Variants in SNX6 observed in about 807,000 individuals in gnomAD.
SNX6 encodes sorting nexin 6.
In SNX6, 34 loss-of-function variants were observed where a neutral mutation model predicts 63.0. The observed-to-expected ratio is 0.54, with a 90% confidence interval of 0.41 to 0.72. The LOEUF (loss-of-function observed/expected upper bound fraction) is 0.72, where lower values mean the gene tolerates loss of function less well. Ranked by LOEUF, SNX6 falls within the 30% of genes least tolerant of loss-of-function variation. SNX6 has a pLI of 0.00. For missense variants in SNX6, 398 were observed against 471.4 expected, an observed-to-expected ratio of 0.84 and a Z score of 1.44; for synonymous variants, 170 against 164.2, an observed-to-expected ratio of 1.04 and a Z score of -0.27.
chr14:34,603,700 A>ATT (rs965944499), intron 5 of SNX6, among the ~76,000 whole-genome samples: 4 of 152,188 alleles, frequency 2.6e-5, no homozygotes, highest in Non-Finnish European at 5.9e-5. Flanking sequence ...AAATGTTAAT[A>ATT]TTTTTAAGTT....
At chr14:34,585,723 G>A (rs1882123506) in intron 9 of SNX6, among the ~76,000 whole-genome samples, 1 of 151,276 alleles carries the variant, frequency 6.6e-6, no homozygotes, top group Non-Finnish European at 1.5e-5. Context: ...AGCCTCCCGA[G>A]TAGCTAGCTG....
intron 2 of SNX6, among the ~76,000 whole-genome samples, chr14:34,628,153 G>A (rs1883900254): frequency 1.3e-5 from 2 of 151,886 alleles, no homozygotes; most frequent in African/African-American, 4.8e-5. Flanking sequence ...AACATGGTGA[G>A]ACCCTGTCTC....
At position 34,575,778 on chromosome 14, in the gene SNX6, A is replaced by G; in HGVS notation, c.899T>C (p.Leu300Ser). The G allele has an allele frequency of 6.3e-7, 1 of 1,590,110 alleles. No individual in the cohort carries two copies. Among genetic ancestry groups the G allele is most frequent in the Non-Finnish European group, 8.6e-7 (1 of 1,167,002 alleles). Reference protein sequence around the residue: ...LKLSDLLKYYLRESQAAKDLL... With the variant: ...LKLSDLLKYYSRESQAAKDLL... ...TACCTTAGCAGCTTGAGATTCTCTT[A>G]AGTAATATTTTAAAAGATCAGAAAG... The change falls in exon 11 of 14, where the codon TTA (leucine) becomes TCA (serine). Residue 300 changes from leucine (L) to serine (S), a missense_variant. Physicochemically the swap from Leu to Ser is moderately radical, Grantham distance 145. Transcript: ENST00000362031.
chr14:34,568,103 C>A, intron 11 of SNX6, 90 bp from the exon 12 acceptor site: 1 of 1,082,814 alleles, frequency 9.2e-7, no homozygotes, highest in Non-Finnish European at 1.3e-6. Flanking sequence ...CCACAACCAT[C>A]AGAGCTAACA....
chr14:34,610,866 C>T (rs1266011091), intron 2 of SNX6, among the ~76,000 whole-genome samples: 1 of 152,070 alleles, frequency 6.6e-6, no homozygotes, highest in Non-Finnish European at 1.5e-5. Flanking sequence ...AAACCTAGGA[C>T]TTAGAGAATC....
At chr14:34,596,345 G>T (rs1882596408) in intron 7 of SNX6, among the ~76,000 whole-genome samples, 1 of 151,898 alleles carries the variant, frequency 6.6e-6, no homozygotes, top group Non-Finnish European at 1.5e-5. Context: ...ATCTGGCTGG[G>T]CGCAGTGGTT....
chr14:34,575,146 C>T (rs1881638840), intron 11 of SNX6, among the ~76,000 whole-genome samples: 1 of 151,268 alleles, frequency 6.6e-6, no homozygotes, highest in African/African-American at 2.4e-5. Context: ...CCACCTCAGC[C>T]TCCCAAAGTG....
At chr14:34,603,837 G>A (rs1470153282) in intron 5 of SNX6, among the ~76,000 whole-genome samples, 1 of 151,990 alleles carries the variant, frequency 6.6e-6, no homozygotes, top group African/African-American at 2.4e-5. Context: ...TCCAATGACT[G>A]CTTTTAAACA....
chr14:34,602,803 C>T (rs1469785836), intron 6 of SNX6, among the ~76,000 whole-genome samples: 1 of 149,238 alleles, frequency 6.7e-6, no homozygotes, highest in Non-Finnish European at 1.5e-5. Flanking sequence ...AGTGAAACCC[C>T]GTCTCTACTA....
chr14:34,573,939 G>GA, intron 11 of SNX6, among the ~76,000 whole-genome samples: 1 of 151,958 alleles, frequency 6.6e-6, no homozygotes, highest in Middle Eastern at 3.4e-3. Flanking sequence ...CTGCGCCCAG[G>GA]AGCACATGGC....
Position 34,598,298 on chromosome 14 carries a change from T to C in SNX6, c.517-653A>G, listed in dbSNP as rs532744156. Among the ~76,000 whole-genome samples, 17 of 152,330 alleles carry C rather than the reference T, an allele frequency of 1.1e-4. No individual in the cohort carries two copies. The South Asian group carries it at 3.5e-3, about 32-fold the overall frequency. On this transcript the variant is annotated intron_variant, in intron 6 of 13. Transcript: ENST00000362031. The stretch of plus-strand genomic sequence containing the variant: ...TTCATCTAATTCCCATGTACTTCCA[T>C]TGCTTCAATGCTCACCTTTATGTAA...
At chr14:34,607,600 G>C (rs1296837244) in intron 4 of SNX6, among the ~76,000 whole-genome samples, 1 of 151,440 alleles carries the variant, frequency 6.6e-6, no homozygotes, top group Non-Finnish European at 1.5e-5. Flanking sequence ...ACACAAGTGA[G>C]ACTCTGTCTC....
chr14:34,599,933 T>C (rs1341334814), intron 6 of SNX6, among the ~76,000 whole-genome samples: 4 of 152,136 alleles, frequency 2.6e-5, no homozygotes, highest in African/African-American at 7.2e-5. Flanking sequence ...CCTTTCTTCA[T>C]AGCTCAAATT....
chr14:34,620,236 T>C (rs1883572673), intron 2 of SNX6, among the ~76,000 whole-genome samples: 1 of 152,166 alleles, frequency 6.6e-6, no homozygotes, highest in Non-Finnish European at 1.5e-5. Context: ...CCTCAACAAG[T>C]GAACTTGCCT....
intron 10 of SNX6, among the ~76,000 whole-genome samples, chr14:34,576,862 T>C (rs1594702556): frequency 6.6e-6 from 1 of 150,590 alleles, no homozygotes. Flanking sequence ...GGCGGGCGGA[T>C]CATGAGGTCG....
intron 5 of SNX6, among the ~76,000 whole-genome samples, chr14:34,605,265 T>A (rs906271080): frequency 6.6e-6 from 1 of 152,042 alleles, no homozygotes; most frequent in African/African-American, 2.4e-5. Flanking sequence ...TAAAAAGTCA[T>A]GTTCTCTATT....
intron 5 of SNX6, chr14:34,604,118 G>A (rs1882927231): frequency 8.0e-7 from 1 of 1,244,792 alleles, no homozygotes; most frequent in Non-Finnish European, 1.0e-6. Flanking sequence ...CGTGCAAGAA[G>A]GATAAGTTTT....
intron 2 of SNX6, among the ~76,000 whole-genome samples, chr14:34,612,032 G>A (rs1250875464): frequency 5.9e-5 from 9 of 152,162 alleles, no homozygotes; most frequent in Non-Finnish European, 1.3e-4. Context: ...GCCCGCCTCG[G>A]CCTCCCAAAG....
intron 10 of SNX6, among the ~76,000 whole-genome samples, chr14:34,581,132 C>T (rs913250735): frequency 6.6e-6 from 1 of 152,066 alleles, no homozygotes; most frequent in African/African-American, 2.4e-5. Context: ...AGATTTAAAT[C>T]GCCAAACGGT....
Sources: gnomAD v4.1 joint callset for allele counts (sites outside exome capture counted in the v4.1 genomes callset) on GRCh38, gnomAD v4.1.1 for gene constraint, MANE v1.5 for transcripts, NCBI Gene and HGNC (gene_info 2026-07-23, HGNC 2026-07-21) for gene names.